POR: variants seen among roughly 807,000 people sequenced by gnomAD.
POR encodes NADPH--cytochrome P450 reductase.
A neutral mutation model predicts 84.0 loss-of-function variants in POR; 56 were observed. The observed-to-expected ratio is 0.67, with a 90% CI of 0.54 to 0.83. The LOEUF is 0.83. POR is among the 40% of genes least tolerant of loss of function. The probability of loss-of-function intolerance (pLI) is 0.00; values close to 1 mark genes in which losing one functional copy is unlikely to be tolerated. For missense variants in POR, 938 were observed against 944.3 expected (o/e 0.99, Z 0.09); for synonymous variants, 414 against 400.5 (o/e 1.03, Z -0.40).
chr7:75,961,363 C>T (rs112178928), intron 2 of POR, among the ~76,000 whole-genome samples: 8,606 of 152,108 alleles, frequency 0.057, 338 homozygotes, highest in Non-Finnish European at 0.088. Context: ...CGGCCCCATT[C>T]TGCACGAGGC....
intron 1 of POR, among the ~76,000 whole-genome samples, chr7:75,918,937 T>C (rs1554548455): frequency 6.6e-6 from 1 of 151,252 alleles, no homozygotes; most frequent in Non-Finnish European, 1.5e-5. Context: ...CTAGGAACCA[T>C]GGGAAGAGAT....
intron 1 of POR, among the ~76,000 whole-genome samples, chr7:75,933,764 C>T (rs919180725): frequency 2.0e-4 from 31 of 152,130 alleles, no homozygotes; most frequent in African/African-American, 7.2e-4. Context: ...AAAAAAGTTG[C>T]AACAGCAGTG....
intron 1 of POR, among the ~76,000 whole-genome samples, chr7:75,953,207 C>T (rs1282062920): frequency 6.6e-6 from 1 of 151,546 alleles, no homozygotes; most frequent in African/African-American, 2.4e-5. Context: ...CAATCGCAGG[C>T]ACTCGGCAGG....
At chr7:75,934,208 C>T (rs569831895) in intron 1 of POR, among the ~76,000 whole-genome samples, 3 of 143,764 alleles carry the variant, frequency 2.1e-5, no homozygotes, top group Admixed American at 7.2e-5. Context: ...CTTTCATGGC[C>T]TTAACATTTT....
chr7:75,923,862 T>G (rs2116222185), intron 1 of POR, among the ~76,000 whole-genome samples: 1 of 144,774 alleles, frequency 6.9e-6, no homozygotes, highest in South Asian at 2.2e-4. Context: ...TCCTCCAGCC[T>G]GGGCAACAAG....
chr7:75,922,102 T>A (rs1268613624), intron 1 of POR, among the ~76,000 whole-genome samples: 2 of 152,172 alleles, frequency 1.3e-5, no homozygotes, highest in African/African-American at 4.8e-5. Flanking sequence ...CCCTCCCTAG[T>A]GGCAATACGG....
At chr7:75,923,289 A>G (rs782054297) in intron 1 of POR, 11 of 1,225,978 alleles carry the variant, frequency 9.0e-6, no homozygotes, top group East Asian at 4.7e-5. Context: ...TGCCTTCCCA[A>G]GGAAGCATTT....
chr7:75,947,398 C>G (rs1554552265), intron 1 of POR, among the ~76,000 whole-genome samples: 1 of 152,216 alleles, frequency 6.6e-6, no homozygotes, highest in Non-Finnish European at 1.5e-5. Flanking sequence ...GCCTCAGCCT[C>G]CCAAATAGCT....
At chr7:75,972,610 C>T in intron 3 of POR, 149 bp downstream of exon 3, 1 of 747,442 alleles carries the variant, frequency 1.3e-6, no homozygotes, top group Non-Finnish European at 2.4e-6. Context: ...GGGAGTCATT[C>T]TTGCCTAACC....
At chr7:75,982,142 G>C in intron 7 of POR, 82 bp from the exon 8 acceptor site, 1 of 1,030,594 alleles carries the variant, frequency 9.7e-7, no homozygotes. Context: ...GGCCATGCAC[G>C]GTCTCCCCTG....
chr7:75,968,964 G>A (rs148496653), intron 2 of POR, among the ~76,000 whole-genome samples: 2 of 152,338 alleles, frequency 1.3e-5, no homozygotes, highest in East Asian at 1.9e-4. Context: ...CCCGCTTCCC[G>A]TGGGGCTGTC....
chr7:75,985,855 T>A lies in POR; in HGVS notation c.1669+6T>A. 3 of 1,548,086 alleles carry A rather than the reference T, an allele frequency of 1.9e-6. No homozygotes were observed. The highest frequency in any genetic ancestry group is 2.6e-6 in the Non-Finnish European group (3 of 1,143,322). On this transcript the variant is annotated splice_donor_region_variant and intron_variant, in intron 13 of 15. Coordinates refer to ENST00000461988, the MANE Select transcript of POR (RefSeq NM_000941.3). ...GGCCTGGCTGCGACAGCAGGGTGAGTGGGGTCCCATGGGGGAGAGGGGGTG... is the reference window on the plus strand; with the variant it reads ...GGCCTGGCTGCGACAGCAGGGTGAGAGGGGTCCCATGGGGGAGAGGGGGTG...
chr7:75,953,925 C>G (rs1554553284), intron 1 of POR, 64 bp from the exon 2 acceptor site: 1 of 1,371,554 alleles, frequency 7.3e-7, no homozygotes, highest in Non-Finnish European at 9.9e-7. Context: ...GGTGGGCACC[C>G]CAGCCAGCCT....
intron 9 of POR, 38 bp downstream of exon 9, chr7:75,983,674 T>A (rs556003823): frequency 1.2e-6 from 2 of 1,607,906 alleles, no homozygotes; most frequent in African/African-American, 1.3e-5. Context: ...ACCCTCACTC[T>A]GGGCCTCCTG....
intron 1 of POR, among the ~76,000 whole-genome samples, chr7:75,933,376 GTTTT>G (rs200575911): frequency 8.7e-5 from 8 of 92,106 alleles, no homozygotes; most frequent in Admixed American, 7.2e-4. Context: ...ATAGGTCTTT[GTTTT>G]TTTTTTTTTT....
chr7:75,955,871 A>C (rs1787664211), intron 2 of POR, among the ~76,000 whole-genome samples: 1 of 152,132 alleles, frequency 6.6e-6, no homozygotes, highest in Admixed American at 6.6e-5. Context: ...CTCACATCAA[A>C]TCCCGATTCC....
At chr7:75,927,326 C>T (rs1351881915) in intron 1 of POR, among the ~76,000 whole-genome samples, 2 of 151,894 alleles carry the variant, frequency 1.3e-5, no homozygotes, top group South Asian at 2.1e-4. Flanking sequence ...GGCAACATGG[C>T]GAAACCCCGT....
intron 10 of POR, among the ~76,000 whole-genome samples, chr7:75,984,137 A>G (rs1295519513): frequency 6.6e-6 from 1 of 152,126 alleles, no homozygotes; most frequent in Admixed American, 6.5e-5. Flanking sequence ...TGGCTCCCCC[A>G]TGGCCACTGT....
intron 3 of POR, among the ~76,000 whole-genome samples, chr7:75,978,600 C>CGCG (rs2116574804): frequency 6.6e-6 from 1 of 151,064 alleles, no homozygotes; most frequent in South Asian, 2.1e-4. Flanking sequence ...CTCGGCTCAC[C>CGCG]ACAACCTCTG....
Sources: allele counts gnomAD v4.1 joint callset (sites outside exome capture counted in the v4.1 genomes callset), GRCh38; gene constraint gnomAD v4.1.1; transcripts MANE v1.5; gene names NCBI Gene and HGNC (gene_info 2026-07-23, HGNC 2026-07-21).